Variants in NMT2 observed in about 807,000 individuals in gnomAD.
NMT2 encodes glycylpeptide N-tetradecanoyltransferase 2.
NMT2 carries 35 observed loss-of-function variants against 65.4 expected under a neutral mutation model. The ratio of observed to expected loss-of-function variants is 0.54; its 90% CI spans 0.41 to 0.71. The LOEUF is 0.71. NMT2 is among the 30% of genes least tolerant of loss of function. The pLI, the probability that NMT2 is intolerant of heterozygous loss-of-function variation, is 0.00. For synonymous variants in NMT2, 226 were observed against 231.8 expected (o/e 0.98, Z 0.23); for missense variants, 489 against 611.3 (o/e 0.80, Z 2.11).
chr10:15,138,492 A>C (rs2131566500), intron 2 of NMT2: 1 of 471,080 alleles, frequency 2.1e-6, no homozygotes, highest in Non-Finnish European at 4.4e-6. Flanking sequence ...TCTACCCGAC[A>C]TTAACTTCCC....
chr10:15,127,197 T>C (rs1348106427), intron 8 of NMT2, among the ~76,000 whole-genome samples: 1 of 151,120 alleles, frequency 6.6e-6, no homozygotes, highest in Non-Finnish European at 1.5e-5. Flanking sequence ...ATCCAGCCAC[T>C]GCACTCCAGC....
rs577071941 is a variant in NMT2, at chr10:15,128,592, G to A, written c.891-134C>T. The A allele has an allele frequency of 8.1e-6, 5 of 616,094 alleles. No homozygotes were observed. In the East Asian group the frequency reaches 1.1e-4, roughly 14 times the overall value. 38.2% of individuals were successfully genotyped at this position (616,094 alleles called of 1,614,324 possible). On this transcript the variant is annotated intron_variant, in intron 7 of 11. Transcript: ENST00000378165. ...TACTAGACAGAGGCCCTCATCCTATGTCATCATTTTATCCGTCCAGTTTTA... is the reference window on the plus strand; with the variant it reads ...TACTAGACAGAGGCCCTCATCCTATATCATCATTTTATCCGTCCAGTTTTA...
At chr10:15,163,476 T>C (rs768664910) in intron 1 of NMT2, among the ~76,000 whole-genome samples, 19 of 152,228 alleles carry the variant, frequency 1.2e-4, no homozygotes, top group Non-Finnish European at 5.9e-5. Context: ...TAGCAGACAC[T>C]TGATCATTTC....
intron 8 of NMT2, 78 bp downstream of exon 8, chr10:15,128,272 C>A: frequency 1.2e-6 from 1 of 845,008 alleles, no homozygotes; most frequent in Admixed American, 1.9e-5. Flanking sequence ...AGTTTTTAGA[C>A]TCCTGCAAAT....
chr10:15,128,120 T>C (rs901703193), intron 8 of NMT2, among the ~76,000 whole-genome samples: 1 of 152,150 alleles, frequency 6.6e-6, no homozygotes, highest in South Asian at 2.1e-4. Flanking sequence ...TTCAGTCTTA[T>C]CCAACTACCA....
chr10:15,153,697 C>A (rs1242049977), intron 1 of NMT2, among the ~76,000 whole-genome samples: 2 of 152,118 alleles, frequency 1.3e-5, no homozygotes, highest in Non-Finnish European at 2.9e-5. Flanking sequence ...GTCGCCCAGG[C>A]TGGAGTGCAG....
rs1845443402 is a variant in NMT2 at position 15,109,713 on chromosome 10, C to G, written c.1465G>C (p.Asp489His). 1 of 1,606,252 alleles carries G rather than the reference C, an allele frequency of 6.2e-7. No individual in the cohort carries two copies. Among genetic ancestry groups the G allele is most frequent in the African/African-American group, 1.3e-5 (1 of 74,618 alleles). Residue 489 changes from aspartate to histidine, a missense_variant, in exon 11 of 12, where the codon GAT becomes CAT. Transcript: ENST00000378165. ...TCCATTTCACTTACCTTTTCAGAAT[C>G]TGTACCTGGACACCTCCAATTGTAC... is the stretch of plus-strand genomic sequence containing the variant. ...YLYNWRCPGTDSEKVGLVLQ is the reference protein window; with the variant it reads ...YLYNWRCPGTHSEKVGLVLQ
chr10:15,139,604 C>T (rs914919888), intron 2 of NMT2, among the ~76,000 whole-genome samples: 6 of 151,866 alleles, frequency 4.0e-5, no homozygotes, highest in Non-Finnish European at 7.4e-5. Context: ...CCTTGGAAAG[C>T]TGTATCTAGT....
chr10:15,132,960 G>A, intron 5 of NMT2, 27 bp from the exon 6 acceptor site: 10 of 1,600,982 alleles, frequency 6.2e-6, no homozygotes, highest in Non-Finnish European at 8.6e-6. Context: ...CAAGAAAACA[G>A]GCACCAGTTA....
chr10:15,108,268 A>T lies in NMT2; in HGVS notation c.*927T>A. ...AGTGGCTCGATCTCGGCTCACTGCA[A>T]CCTCACCTCTCAGGTTCAAGCGATT... On this transcript the variant is annotated 3_prime_UTR_variant, in exon 12 of 12. Coordinates refer to ENST00000378165, the MANE Select transcript of NMT2 (RefSeq NM_004808.3). The T allele has an allele frequency of 1.2e-6, 1 of 802,380 alleles. No individual in the cohort carries two copies. Among genetic ancestry groups the T allele is most frequent in the Non-Finnish European group, 1.5e-6 (1 of 663,692 alleles). 49.7% of individuals were successfully genotyped at this position (802,380 alleles called of 1,614,324 possible).
chr10:15,130,129 A>T lies in NMT2; in HGVS notation c.890+13T>A. ...TAAAGGGAGGACCTGAGGTAGAAAT[A>T]TGGTACTGGTACCTGCATGTGGCTA... is the stretch of plus-strand genomic sequence containing the variant. On this transcript the variant is annotated intron_variant, in intron 7 of 11. Transcript: ENST00000378165. 1 of 1,458,054 alleles carries T rather than the reference A, an allele frequency of 6.9e-7. No homozygotes were observed. Among genetic ancestry groups the T allele is most frequent in the East Asian group, 2.5e-5 (1 of 39,846 alleles). The allele number at this position is 1,458,054 out of a possible 1,614,324, so 90.3% of individuals were successfully genotyped here.
Position 15,105,955 on chromosome 10 carries a change from A to G in NMT2, c.*3240T>C. 2.7e-6 allele frequency: 1 copy of G among 369,582 alleles called. No individual in the cohort carries two copies. The highest frequency in any genetic ancestry group is 5.2e-6 in the Non-Finnish European group (1 of 191,824). The allele number at this position is 369,582 out of a possible 1,614,324, so 22.9% of individuals were successfully genotyped here. A position where few individuals can be genotyped will look rare whatever the true frequency, so the allele number is the denominator to read the frequency against. On this transcript the variant is annotated 3_prime_UTR_variant, in exon 12 of 12. Coordinates refer to ENST00000378165, the MANE Select transcript of NMT2 (RefSeq NM_004808.3). ...AAGGAGCAGTGTAACTGTCACCGTG[A>G]GGTAAGCTCATGACAAAGTTTCCAA...
At chr10:15,111,170 T>C (rs1048629025) in intron 10 of NMT2, among the ~76,000 whole-genome samples, 11 of 152,154 alleles carry the variant, frequency 7.2e-5, no homozygotes, top group African/African-American at 1.4e-4. Flanking sequence ...TTCTAAGTCC[T>C]ACCTTGGCTG....
intron 10 of NMT2, among the ~76,000 whole-genome samples, chr10:15,110,644 A>G (rs528253482): frequency 1.0e-4 from 12 of 116,970 alleles, no homozygotes; most frequent in South Asian, 8.8e-4. Flanking sequence ...TCAAAAAACA[A>G]ACAAACTATA....
intron 1 of NMT2, among the ~76,000 whole-genome samples, chr10:15,167,895 C>A (rs1833427210): frequency 6.6e-6 from 1 of 152,218 alleles, no homozygotes; most frequent in South Asian, 2.1e-4. Context: ...ACAGGCGAGG[C>A]GGTGCAAAGC....
At chr10:15,154,219 G>C (rs903011699) in intron 1 of NMT2, among the ~76,000 whole-genome samples, 1 of 152,172 alleles carries the variant, frequency 6.6e-6, no homozygotes, top group Non-Finnish European at 1.5e-5. Flanking sequence ...GGGATGAGTG[G>C]GGCCCTCCAG....
intron 1 of NMT2, among the ~76,000 whole-genome samples, chr10:15,144,000 C>T (rs1222452761): frequency 6.6e-6 from 1 of 152,178 alleles, no homozygotes; most frequent in Non-Finnish European, 1.5e-5. Context: ...AAGTTTATAT[C>T]ACTTATTCTA....
intron 9 of NMT2, among the ~76,000 whole-genome samples, chr10:15,115,190 A>G (rs1158741889): frequency 6.6e-6 from 1 of 152,192 alleles, no homozygotes; most frequent in East Asian, 1.9e-4. Context: ...AGAATAATAG[A>G]GTAGAAATTT....
Position 15,137,570 on chromosome 10 carries a change from A to G in NMT2, c.247-2152T>C, listed in dbSNP as rs532140521. The stretch of plus-strand genomic sequence containing the variant: ...ACACCATCTATTAGAAGACCTTACA[A>G]TTTAAATAGGAATTGAGATCACAGC... On this transcript the variant is annotated intron_variant, in intron 2 of 11. Coordinates refer to ENST00000378165, the MANE Select transcript of NMT2 (RefSeq NM_004808.3). Among the ~76,000 whole-genome samples, 252 of 152,248 alleles carry G rather than the reference A, an allele frequency of 1.7e-3. 2 individuals carry two copies. Among genetic ancestry groups the G allele is most frequent in the African/African-American group, 5.8e-3 (241 of 41,546 alleles).
Sources: gnomAD v4.1 joint callset for allele counts (sites outside exome capture counted in the v4.1 genomes callset) on GRCh38, gnomAD v4.1.1 for gene constraint, MANE v1.5 for transcripts, NCBI Gene and HGNC (gene_info 2026-07-23, HGNC 2026-07-21) for gene names.